The following LRP11 variants were observed in gnomAD, a reference collection of about 807,000 sequenced individuals.
LRP11 encodes the protein LDL receptor related protein 11.
A neutral mutation model predicts 43.1 loss-of-function variants in LRP11; 25 were observed. The ratio of observed to expected loss-of-function variants is 0.58; its 90% CI spans 0.42 to 0.81. The LOEUF is 0.81. LRP11 is among the 30% of genes least tolerant of loss of function. The pLI, the probability that LRP11 is intolerant of heterozygous loss-of-function variation, is 0.00. For missense variants in LRP11, 623 were observed against 665.1 expected (o/e 0.94, Z 0.70); for synonymous variants, 316 against 299.4 (o/e 1.06, Z -0.57).
intron 5 of LRP11, among the ~76,000 whole-genome samples, chr6:149,828,600 C>T (rs1776371159): frequency 6.6e-6 from 1 of 151,902 alleles, no homozygotes; most frequent in Admixed American, 6.6e-5. Flanking sequence ...GTGATCCTCC[C>T]ACCTCAGCCT....
intron 3 of LRP11, among the ~76,000 whole-genome samples, chr6:149,842,001 T>C (rs1197634981): frequency 1.3e-5 from 2 of 152,182 alleles, no homozygotes; most frequent in Non-Finnish European, 2.9e-5. Context: ...TACAACAGAA[T>C]GTGAGAACCA....
At chr6:149,862,351 C>A (rs1197422749) in intron 1 of LRP11, among the ~76,000 whole-genome samples, 3 of 152,152 alleles carry the variant, frequency 2.0e-5, no homozygotes, top group Non-Finnish European at 4.4e-5. Context: ...TATTATAAAT[C>A]AAACAGCAAC....
At chr6:149,831,442 G>A (rs1776407269) in intron 5 of LRP11, among the ~76,000 whole-genome samples, 1 of 152,242 alleles carries the variant, frequency 6.6e-6, no homozygotes. Context: ...GGACCACACA[G>A]AGAACAGGCC....
At chr6:149,842,307 C>A (rs1339058151) in intron 3 of LRP11, among the ~76,000 whole-genome samples, 1 of 152,108 alleles carries the variant, frequency 6.6e-6, no homozygotes, top group East Asian at 1.9e-4. Flanking sequence ...TTATGAGGCA[C>A]AATGTGATGT....
chr6:149,835,145 C>CT (rs1776455115), intron 5 of LRP11, among the ~76,000 whole-genome samples: 1 of 152,158 alleles, frequency 6.6e-6, no homozygotes, highest in African/African-American at 2.4e-5. Flanking sequence ...TCCTGTAATA[C>CT]TTATTGATTG....
chr6:149,822,602 T>C (rs1218934214), intron 6 of LRP11, among the ~76,000 whole-genome samples: 1 of 152,164 alleles, frequency 6.6e-6, no homozygotes, highest in Non-Finnish European at 1.5e-5. Context: ...CCTGTGGTTC[T>C]ATCCACTATG....
chr6:149,822,177 G>T (rs1378503693), intron 6 of LRP11, among the ~76,000 whole-genome samples: 1 of 152,008 alleles, frequency 6.6e-6, no homozygotes, highest in Non-Finnish European at 1.5e-5. Context: ...GCGAGACCTT[G>T]TCTCTACAAA....
intron 5 of LRP11, among the ~76,000 whole-genome samples, chr6:149,832,191 CTT>C (rs5880854): frequency 3.8e-5 from 5 of 130,108 alleles, no homozygotes. Context: ...TGAGCTAAGT[CTT>C]TTTTTTTTTT....
Position 149,863,473 on chromosome 6 carries a change from C to T in LRP11, c.548G>A (p.Ser183Asn). 2 of 1,343,866 alleles carry T rather than the reference C, an allele frequency of 1.5e-6. No homozygotes were observed. The highest frequency in any genetic ancestry group is 2.0e-5 in the South Asian group (1 of 51,194). 83.2% of individuals were successfully genotyped at this position (1,343,866 alleles called of 1,614,324 possible). Reference sequence around the variant, plus strand: ...GTCCGGCGCGCGGCTGAGGCTGTAGCTGCTGTAGCCGCTGTGCAGCGCGAA... The same window carrying T: ...GTCCGGCGCGCGGCTGAGGCTGTAGTTGCTGTAGCCGCTGTGCAGCGCGAA... The part of the protein sequence containing the change: ...CKFALHSGYS[S>N]YSLSRAPDGA... The change falls in exon 1 of 7, where the codon AGC becomes AAC. Residue 183 changes from serine (S) to asparagine (N), a missense_variant. Coordinates refer to ENST00000239367, the MANE Select transcript of LRP11 (RefSeq NM_032832.6).
intron 1 of LRP11, among the ~76,000 whole-genome samples, chr6:149,854,024 G>A (rs1776762535): frequency 6.6e-6 from 1 of 152,174 alleles, no homozygotes; most frequent in Non-Finnish European, 1.5e-5. Flanking sequence ...TTTTCATCTA[G>A]GAAAATTGAA....
At chr6:149,845,737 T>G (rs532412248) in intron 2 of LRP11, among the ~76,000 whole-genome samples, 10 of 151,780 alleles carry the variant, frequency 6.6e-5, no homozygotes, top group African/African-American at 2.4e-4. Context: ...TGTCTTAATC[T>G]GATCAGATAA....
chr6:149,834,671 A>C (rs550391843), intron 5 of LRP11, among the ~76,000 whole-genome samples: 91 of 152,264 alleles, frequency 6.0e-4, no homozygotes, highest in Non-Finnish European at 1.1e-3. Flanking sequence ...CTAAAACCAC[A>C]TCCAAAGGCT....
chr6:149,836,860 C>A (rs183010020), intron 4 of LRP11, among the ~76,000 whole-genome samples: 1 of 151,952 alleles, frequency 6.6e-6, no homozygotes, highest in Admixed American at 6.6e-5. Context: ...AAAGACTAAA[C>A]GTAAACTTAA....
chr6:149,857,896 C>CA (rs1395336206), intron 1 of LRP11, among the ~76,000 whole-genome samples: 2 of 152,260 alleles, frequency 1.3e-5, no homozygotes, highest in East Asian at 1.9e-4. Context: ...TACCAGGTAC[C>CA]AGGCCAGGTG....
chr6:149,836,856 T>C (rs1036916255), intron 4 of LRP11, among the ~76,000 whole-genome samples: 2 of 151,890 alleles, frequency 1.3e-5, no homozygotes, highest in Non-Finnish European at 2.9e-5. Context: ...GGACAAAGAC[T>C]AAACGTAAAC....
In LRP11 at chr6:149,864,184, C is replaced by T. The variant is rs1776999609; in HGVS notation, c.-164G>A. 14 of 1,128,716 alleles carry T rather than the reference C, an allele frequency of 1.2e-5. No individual in the cohort carries two copies. The highest frequency in any genetic ancestry group is 9.6e-5 in the East Asian group (2 of 20,824). The allele number at this position is 1,128,716 out of a possible 1,614,324, so 69.9% of individuals were successfully genotyped here. On this transcript the variant is annotated 5_prime_UTR_variant, in exon 1 of 7. Transcript: ENST00000239367. ...CCGAACCCGGCTGCTCCCCCGAGGT[C>T]GCGGGCGCCGGCGGGAACCGCAGTA...
intron 2 of LRP11, among the ~76,000 whole-genome samples, chr6:149,844,197 G>A (rs1484791873): frequency 6.7e-6 from 1 of 150,244 alleles, no homozygotes; most frequent in East Asian, 1.9e-4. Context: ...AGGTTGTAGT[G>A]TGCCAAGATC....
intron 2 of LRP11, among the ~76,000 whole-genome samples, chr6:149,851,232 G>A (rs1357116489): frequency 6.6e-6 from 1 of 152,178 alleles, no homozygotes; most frequent in Non-Finnish European, 1.5e-5. Context: ...GTGTGATGCA[G>A]CTACTGACAC....
Position 149,864,070 on chromosome 6 carries a change from G to A in LRP11, c.-50C>T, listed in dbSNP as rs573480996. On this transcript the variant is annotated 5_prime_UTR_variant, in exon 1 of 7. Transcript: ENST00000239367. ...GCCGAGGCGGGGCTGAGCGCGGGAG[G>A]AAGGCGGGGACGCGGGCGAGCGCGG... 2.1e-3 allele frequency: 2,580 copies of A among 1,258,374 alleles called. 49 individuals are homozygous for A. In the African/African-American group the frequency reaches 0.036, roughly 17 times the overall value. The allele number at this position is 1,258,374 out of a possible 1,614,324, so 78.0% of individuals were successfully genotyped here.
Sources: allele counts gnomAD v4.1 joint callset (sites outside exome capture counted in the v4.1 genomes callset), GRCh38; gene constraint gnomAD v4.1.1; transcripts MANE v1.5; gene names NCBI Gene and HGNC (gene_info 2026-07-23, HGNC 2026-07-21).